Variants in ZNF675 observed in about 807,000 individuals in gnomAD.
ZNF675 encodes zinc finger protein 675.
In ZNF675, 36 loss-of-function variants were observed where a neutral mutation model predicts 56.1. The ratio of observed to expected loss-of-function variants is 0.64; its 90% CI spans 0.49 to 0.85. The LOEUF is 0.85. ZNF675 is among the 40% of genes least tolerant of loss of function. ZNF675 has a pLI of 0.00. For missense variants in ZNF675, 663 were observed against 654.2 expected, an observed-to-expected ratio of 1.01 and a Z score of -0.15; for synonymous variants, 200 against 218.9, an observed-to-expected ratio of 0.91 and a Z score of 0.76.
chr19:23,683,872 ATTT>A (rs201788116), intron 1 of ZNF675, among the ~76,000 whole-genome samples: 1 of 150,884 alleles, frequency 6.6e-6, no homozygotes, highest in Non-Finnish European at 1.5e-5. Flanking sequence ...ATATAATTAA[ATTT>A]TTTTTTTCTG....
intron 1 of ZNF675, among the ~76,000 whole-genome samples, chr19:23,675,828 AAAC>A (rs1412950658): frequency 2.0e-5 from 3 of 151,668 alleles, no homozygotes; most frequent in African/African-American, 4.9e-5. Context: ...AGGTAGAAGA[AAAC>A]AACAAATAAC....
chr19:23,680,654 T>C lies in ZNF675; in HGVS notation c.3+6377A>G, dbSNP rs1469045906. 2.0e-5 allele frequency among the ~76,000 whole-genome samples: 3 copies of C among 151,532 alleles called. 1 individual carries two copies. Among genetic ancestry groups the C allele is most frequent in the African/African-American group, 7.3e-5 (3 of 40,896 alleles). Reference sequence around the variant, plus strand: ...CTGTAACCCTAGCTACTTGGGAGGCTGAGACAGGAGATTCGCCTGAACCTG... The same window carrying C: ...CTGTAACCCTAGCTACTTGGGAGGCCGAGACAGGAGATTCGCCTGAACCTG... On this transcript the variant is annotated intron_variant, in intron 1 of 3. Transcript: ENST00000359788.
rs768022439 is a variant in ZNF675 at position 23,654,498 on chromosome 19, T to C, written c.435A>G (p.Gln145=). ...TAAAGACTTTCACATATTTATCACA[T>C]TGAAACATTTTGCTCTGCATAGTTG... is the stretch of plus-strand genomic sequence containing the variant. ...CLPTMQSKMF[Q]CDKYVKVFNK... The change falls in exon 4 of 4, where the codon CAA becomes CAG. Residue 145 remains glutamine, a synonymous_variant. Coordinates refer to ENST00000359788, the MANE Select transcript of ZNF675 (RefSeq NM_138330.3). 1.9e-6 allele frequency: 3 copies of C among 1,605,064 alleles called. No individual in the cohort carries two copies. The highest frequency in any genetic ancestry group is 2.2e-5 in the South Asian group (2 of 89,788).
chr19:23,663,294 T>G, intron 1 of ZNF675, 136 bp from the exon 2 acceptor site: 1 of 1,142,002 alleles, frequency 8.8e-7, no homozygotes, highest in Non-Finnish European at 1.2e-6. Flanking sequence ...TAAAATCATA[T>G]TTTTTACACA....
At position 23,682,783 on chromosome 19, in the gene ZNF675, T is replaced by C. The variant is rs73551202; in HGVS notation, c.3+4248A>G. ...CAGCAAAATTACTGAAACGCAGTGTTAGTATATAAAAAGAAAATTTTAAGG... is the reference window on the plus strand; with the variant it reads ...CAGCAAAATTACTGAAACGCAGTGTCAGTATATAAAAAGAAAATTTTAAGG... On this transcript the variant is annotated intron_variant, in intron 1 of 3. Coordinates refer to ENST00000359788, the MANE Select transcript of ZNF675 (RefSeq NM_138330.3). Among the ~76,000 whole-genome samples the C allele has an allele frequency of 6.5e-4, 98 of 151,928 alleles. 2 individuals are homozygous for C. Among genetic ancestry groups the C allele is most frequent in the African/African-American group, 2.1e-3 (86 of 41,196 alleles).
intron 1 of ZNF675, among the ~76,000 whole-genome samples, chr19:23,673,610 T>C (rs1466217884): frequency 6.6e-6 from 1 of 152,186 alleles, no homozygotes; most frequent in South Asian, 2.1e-4. Context: ...GCACCTTATA[T>C]GTTTCTATCA....
At chr19:23,671,356 A>G (rs1039794488) in intron 1 of ZNF675, among the ~76,000 whole-genome samples, 3 of 152,224 alleles carry the variant, frequency 2.0e-5, no homozygotes, top group Non-Finnish European at 4.4e-5. Flanking sequence ...ACGGCAAGTC[A>G]AAATTATGGC....
intron 1 of ZNF675, among the ~76,000 whole-genome samples, chr19:23,677,109 A>G (rs1968308208): frequency 7.8e-6 from 1 of 127,642 alleles, no homozygotes; most frequent in Non-Finnish European, 1.7e-5. Flanking sequence ...AAAAAAAAGA[A>G]AAAGAAAACT....
At chr19:23,667,897 G>A (rs1820603855) in intron 1 of ZNF675, among the ~76,000 whole-genome samples, 1 of 144,986 alleles carries the variant, frequency 6.9e-6, no homozygotes, top group Admixed American at 6.9e-5. Flanking sequence ...TACAAACCTT[G>A]AGCTAGATAC....
At chr19:23,682,703 A>C (rs1288139893) in intron 1 of ZNF675, among the ~76,000 whole-genome samples, 1 of 151,628 alleles carries the variant, frequency 6.6e-6, no homozygotes, top group Admixed American at 6.6e-5. Flanking sequence ...CTCAAGCTTT[A>C]ATTTTCATGT....
chr19:23,668,094 C>G (rs1968178145), intron 1 of ZNF675, among the ~76,000 whole-genome samples: 1 of 148,158 alleles, frequency 6.7e-6, no homozygotes. Context: ...CCCACCAGAG[C>G]AGCTAGATAC....
At chr19:23,662,569 C>T (rs531933959) in intron 2 of ZNF675, among the ~76,000 whole-genome samples, 93 of 152,344 alleles carry the variant, frequency 6.1e-4, no homozygotes, top group Non-Finnish European at 1.2e-3. Flanking sequence ...CTTCTCTATA[C>T]AGACAAATCC....
intron 1 of ZNF675, 135 bp downstream of exon 1, chr19:23,686,896 C>T (rs376422000): frequency 1.8e-6 from 2 of 1,110,362 alleles, no homozygotes; most frequent in East Asian, 2.4e-5. Context: ...GGGACTGAGC[C>T]GAGCTGGGGA....
chr19:23,657,976 T>A (rs28520981), intron 3 of ZNF675, among the ~76,000 whole-genome samples: 7 of 151,900 alleles, frequency 4.6e-5, no homozygotes, highest in Non-Finnish European at 1.0e-4. Flanking sequence ...GATGTCAAAC[T>A]GAAAAAACAC....
In ZNF675 at chr19:23,653,956, G is replaced by C. The variant is rs1822803242; in HGVS notation, c.977C>G (p.Thr326Ser). ...ATGAATTCTCTTATGTGTAGTAAGG[G>C]TTGAGGATTGGGTAAAAGCCTTGCC... The part of the protein sequence containing the change: ...ECGKAFTQSS[T>S]LTTHKRIHTG... Residue 326 changes from threonine to serine, a missense_variant, in exon 4 of 4, where the codon ACC becomes AGC. Thr to Ser is a moderately conservative substitution (Grantham distance 58, BLOSUM62 1). This residue lies in a region of ZNF675 where 617 missense variants were observed against 590.5 expected (regional missense o/e 1.04). Coordinates refer to ENST00000359788, the MANE Select transcript of ZNF675 (RefSeq NM_138330.3). 6.2e-7 allele frequency: 1 copy of C among 1,610,492 alleles called. No homozygotes were observed. Among genetic ancestry groups the C allele is most frequent in the African/African-American group, 1.4e-5 (1 of 74,066 alleles).
In ZNF675 at chr19:23,677,976, A is replaced by G. The variant is rs62118323; in HGVS notation, c.3+9055T>C. Among the ~76,000 whole-genome samples the G allele has an allele frequency of 3.3e-5, 5 of 151,132 alleles. No homozygotes were observed. In the East Asian group the frequency reaches 9.8e-4, roughly 30 times the overall value. On this transcript the variant is annotated intron_variant, in intron 1 of 3. Transcript: ENST00000359788. ...CTCTGCCTAAAAATACAAAATTAGC[A>G]CGGGGTGGTGGTGCATGCCTGCAAT...
In ZNF675 at chr19:23,654,540, T is replaced by C. The variant is rs1190967715; in HGVS notation, c.393A>G (p.Gly131=). Reference sequence around the variant, plus strand: ...GCATAGTTGGTAAACATTGGTTAAGTCCATTATAACCTCCCTTGTGCAACT... The same window carrying C: ...GCATAGTTGGTAAACATTGGTTAAGCCCATTATAACCTCCCTTGTGCAACT... ...ECKLHKGGYN[G]LNQCLPTMQS... Residue 131 remains glycine, a synonymous_variant, in exon 4 of 4, where the codon GGA becomes GGG. Transcript: ENST00000359788. 6.2e-7 allele frequency: 1 copy of C among 1,607,114 alleles called. No individual in the cohort carries two copies. Among genetic ancestry groups the C allele is most frequent in the East Asian group, 2.2e-5 (1 of 44,744 alleles).
chr19:23,658,903 C>CTA (rs1178678770), intron 3 of ZNF675, among the ~76,000 whole-genome samples: 1 of 5,588 alleles, frequency 1.8e-4, no homozygotes, highest in Non-Finnish European at 3.9e-4. Context: ...CTATAGATAT[C>CTA]TATAGATAGA....
In ZNF675 at chr19:23,675,533, TAATTC is replaced by T. The variant is rs540614454; in HGVS notation, c.3+11493_3+11497del. 3.3e-5 allele frequency among the ~76,000 whole-genome samples: 5 copies of T among 151,926 alleles called. No individual in the cohort carries two copies. The South Asian group carries it at 1.0e-3, about 31-fold the overall frequency. On this transcript the variant is annotated intron_variant, in intron 1 of 3. Transcript: ENST00000359788. ...CTCAGACCACAGCTTGATAAAAATA[TAATTC>T]AATACAAAGAAAACCACTTGAAACC...
Sources: gnomAD v4.1 joint callset for allele counts (sites outside exome capture counted in the v4.1 genomes callset) on GRCh38, gnomAD v4.1.1 for gene constraint, gnomAD v4.1.1 regional missense constraint, MANE v1.5 for transcripts, NCBI Gene and HGNC (gene_info 2026-07-23, HGNC 2026-07-21) for gene names.